MYOCD: variants seen among roughly 807,000 people sequenced by gnomAD.
MYOCD encodes myocardin.
A neutral mutation model predicts 96.1 loss-of-function variants in MYOCD; 32 were observed. The ratio of observed to expected loss-of-function variants is 0.33; its 90% CI spans 0.25 to 0.45. The LOEUF is 0.45. Among genes scored for constraint, MYOCD ranks in the 20% least tolerant of loss-of-function variants. The probability of loss-of-function intolerance (pLI) is 1.00; values close to 1 mark genes in which losing one functional copy is unlikely to be tolerated. For missense variants in MYOCD, 1,133 were observed against 1,200.6 expected, an observed-to-expected ratio of 0.94 and a Z score of 0.83; for synonymous variants, 469 against 469.0, an observed-to-expected ratio of 1.00 and a Z score of 0.00.
Position 12,736,344 on chromosome 17 carries a change from A to T in MYOCD, c.591+8A>T. ...TCTCTGGGGACAAACCAGGTAAAAA[A>T]CAAAACAAACAAACGAAAAAAGTAA... On this transcript the variant is annotated splice_region_variant and intron_variant, in intron 6 of 13. Coordinates refer to ENST00000425538, the MANE Select transcript of MYOCD (RefSeq NM_001146312.3). 1 of 1,610,454 alleles carries T rather than the reference A, an allele frequency of 6.2e-7. No individual in the cohort carries two copies.
intron 1 of MYOCD, among the ~76,000 whole-genome samples, chr17:12,673,253 CA>C (rs1274876850): frequency 6.6e-6 from 1 of 151,998 alleles, no homozygotes; most frequent in Non-Finnish European, 1.5e-5. Context: ...AAAATGATTT[CA>C]AAAAAGTTAA....
intron 8 of MYOCD, 73 bp from the exon 9 acceptor site, chr17:12,745,846 G>A: frequency 6.6e-7 from 1 of 1,518,430 alleles, no homozygotes; most frequent in South Asian, 1.2e-5. Flanking sequence ...AATCACTTTG[G>A]GATCCGATCT....
chr17:12,704,646 A>C (rs2031215875), intron 1 of MYOCD, among the ~76,000 whole-genome samples: 2 of 152,308 alleles, frequency 1.3e-5, no homozygotes, highest in Non-Finnish European at 2.9e-5. Context: ...CTTTATGGCA[A>C]CACCACCAGG....
chr17:12,714,663 C>G (rs1324789398), intron 2 of MYOCD, among the ~76,000 whole-genome samples: 1 of 152,066 alleles, frequency 6.6e-6, no homozygotes. Context: ...CTTCTTTGCT[C>G]AAAGGAGTTT....
intron 1 of MYOCD, among the ~76,000 whole-genome samples, chr17:12,676,245 GCACACACACACACA>G (rs36211306): frequency 6.1e-4 from 89 of 145,674 alleles, no homozygotes; most frequent in African/African-American, 1.2e-3. Flanking sequence ...GCGCGCGCAC[GCACACACACACACA>G]CACACACACA....
chr17:12,711,894 T>C (rs924287935), intron 2 of MYOCD, among the ~76,000 whole-genome samples: 1 of 151,658 alleles, frequency 6.6e-6, no homozygotes, highest in Non-Finnish European at 1.5e-5. Context: ...TGGGGCTGGG[T>C]TGGGGCCCAG....
intron 1 of MYOCD, among the ~76,000 whole-genome samples, chr17:12,689,524 A>G (rs1417209279): frequency 6.6e-6 from 1 of 152,224 alleles, no homozygotes; most frequent in African/African-American, 2.4e-5. Context: ...AATGAATGAT[A>G]TTAGAACAAC....
chr17:12,744,416 G>A lies in MYOCD; in HGVS notation c.951G>A (p.Gly317=), dbSNP rs1317972869. 6.2e-7 allele frequency: 1 copy of A among 1,612,316 alleles called. No individual in the cohort carries two copies. The highest frequency in any genetic ancestry group is 1.1e-5 in the South Asian group (1 of 90,888). ...QQQQHRFSYL[G]MHQAQLKEPN... ...AGCAACACCGATTCAGCTACCTAGG[G>A]ATGCACCAAGCTCAGCTTAAGTAAG... is the stretch of plus-strand genomic sequence containing the variant. The change falls in exon 8 of 14, where the codon GGG becomes GGA. Residue 317 remains glycine (G), a synonymous_variant. Transcript: ENST00000425538.
intron 9 of MYOCD, among the ~76,000 whole-genome samples, chr17:12,749,998 C>A (rs1019560828): frequency 2.0e-5 from 3 of 151,930 alleles, no homozygotes; most frequent in African/African-American, 7.2e-5. Flanking sequence ...TACAGGCGCC[C>A]GCCATCATGC....
intron 2 of MYOCD, among the ~76,000 whole-genome samples, chr17:12,708,757 G>A (rs1306445087): frequency 1.3e-5 from 2 of 152,096 alleles, no homozygotes; most frequent in Non-Finnish European, 2.9e-5. Flanking sequence ...TTTACATTAG[G>A]TTAAATCTTC....
Position 12,763,233 on chromosome 17 carries a change from C to T in MYOCD, c.2550C>T (p.Asp850=), listed in dbSNP as rs778376480. The T allele has an allele frequency of 2.5e-6, 4 of 1,614,010 alleles. No individual in the cohort carries two copies. In the African/African-American group the frequency reaches 4.0e-5, roughly 16 times the overall value. ...TCCCCTTTGATCCCTATGCCACCGA[C>T]AGTGATGAGCATCTTGAAGTCTTAT... ...SQIPFDPYAT[D]SDEHLEVLLN... Residue 850 remains aspartate, a synonymous_variant, in exon 14 of 14, where the codon GAC becomes GAT. Transcript: ENST00000425538.
At chr17:12,684,596 C>T (rs1376912185) in intron 1 of MYOCD, among the ~76,000 whole-genome samples, 1 of 152,122 alleles carries the variant, frequency 6.6e-6, no homozygotes, top group African/African-American at 2.4e-5. Flanking sequence ...CCTGTAATCC[C>T]AGCACTTTGG....
intron 2 of MYOCD, 141 bp from the exon 3 acceptor site, chr17:12,715,378 G>A: frequency 5.2e-6 from 3 of 572,316 alleles, no homozygotes; most frequent in Non-Finnish European, 9.1e-6. Flanking sequence ...CTCCAGGCCT[G>A]TCCTCTCTCA....
chr17:12,668,958 C>A (rs994269631), intron 1 of MYOCD, among the ~76,000 whole-genome samples: 9 of 152,062 alleles, frequency 5.9e-5, no homozygotes, highest in Admixed American at 3.9e-4. Flanking sequence ...TTGGATTAGG[C>A]AATGTCTTAG....
At chr17:12,751,022 C>G (rs1466316710) in intron 9 of MYOCD, among the ~76,000 whole-genome samples, 1 of 152,050 alleles carries the variant, frequency 6.6e-6, no homozygotes, top group African/African-American at 2.4e-5. Context: ...TTTGTAGTTT[C>G]TTGACTTACA....
chr17:12,692,265 C>T lies in MYOCD; in HGVS notation c.56-12863C>T, dbSNP rs550295356. ...AAAAGGTATATGCTTGCATTCGCATCGCAACCTAAAGCTCCCTTTTCTTCT... is the reference window on the plus strand; with the variant it reads ...AAAAGGTATATGCTTGCATTCGCATTGCAACCTAAAGCTCCCTTTTCTTCT... On this transcript the variant is annotated intron_variant, in intron 1 of 13. Transcript: ENST00000425538. Among the ~76,000 whole-genome samples the T allele has an allele frequency of 1.6e-4, 24 of 152,308 alleles. No individual in the cohort carries two copies. In the South Asian group the frequency reaches 2.7e-3, roughly 17 times the overall value.
At chr17:12,668,896 C>T (rs1055519787) in intron 1 of MYOCD, among the ~76,000 whole-genome samples, 3 of 151,830 alleles carry the variant, frequency 2.0e-5, no homozygotes, top group Admixed American at 6.6e-5. Context: ...GCAGTGGGAC[C>T]GGCGGTTGGT....
intron 4 of MYOCD, among the ~76,000 whole-genome samples, chr17:12,717,978 G>A (rs1357329146): frequency 6.6e-6 from 1 of 152,148 alleles, no homozygotes; most frequent in Non-Finnish European, 1.5e-5. Context: ...ACATCTGCAT[G>A]CAGGAGGAGT....
intron 5 of MYOCD, among the ~76,000 whole-genome samples, chr17:12,731,249 A>G (rs1406534676): frequency 6.6e-6 from 1 of 152,180 alleles, no homozygotes; most frequent in African/African-American, 2.4e-5. Flanking sequence ...AGATAAGGTG[A>G]CCTTTGTCCC....
Sources: allele counts gnomAD v4.1 joint callset (sites outside exome capture counted in the v4.1 genomes callset), GRCh38; gene constraint gnomAD v4.1.1; transcripts MANE v1.5; gene names NCBI Gene and HGNC (gene_info 2026-07-23, HGNC 2026-07-21).